Variants in ARHGAP20 observed in about 807,000 individuals in gnomAD.
ARHGAP20 encodes rho GTPase-activating protein 20.
ARHGAP20 carries 34 observed loss-of-function variants against 73.7 expected under a neutral mutation model. The observed-to-expected ratio is 0.46, with a 90% CI of 0.35 to 0.61. The LOEUF (loss-of-function observed/expected upper bound fraction) is 0.61. Ranked by LOEUF, ARHGAP20 falls within the 20% of genes least tolerant of loss-of-function variation. The pLI is 0.00. For synonymous variants in ARHGAP20, 523 were observed against 518.2 expected (o/e 1.01, Z -0.13); for missense variants, 1,314 against 1,420.9 (o/e 0.92, Z 1.21).
chr11:110,586,534 G>T (rs1947671528), intron 11 of ARHGAP20, among the ~76,000 whole-genome samples: 1 of 152,120 alleles, frequency 6.6e-6, no homozygotes, highest in Non-Finnish European at 1.5e-5. Context: ...GATAACTGGA[G>T]TCTTCATTAC....
chr11:110,640,423 G>C (rs75290995), intron 2 of ARHGAP20, among the ~76,000 whole-genome samples: 2,970 of 151,978 alleles, frequency 0.02, 76 homozygotes, highest in African/African-American at 0.061. Flanking sequence ...CAGAGTGTTA[G>C]GGAATAAATC....
rs767584827 is a variant in ARHGAP20, at chr11:110,615,535, T to C, written c.545+18A>G. On this transcript the variant is annotated intron_variant, in intron 5 of 14. Transcript: ENST00000683387. ...TATTAAAGGTTAAAGATTAAAAATA[T>C]GAATACTGAAAAAATACCTCTGAAG... The C allele has an allele frequency of 1.2e-6, 2 of 1,603,316 alleles. No individual in the cohort carries two copies. The highest frequency in any genetic ancestry group is 1.7e-6 in the Non-Finnish European group (2 of 1,174,174).
intron 8 of ARHGAP20, 26 bp downstream of exon 8, chr11:110,608,958 T>C (rs748826575): frequency 1.0e-5 from 16 of 1,589,746 alleles, no homozygotes; most frequent in Non-Finnish European, 1.0e-5. Flanking sequence ...CAATCAATGC[T>C]ATCTTAGACT....
At chr11:110,669,149 A>T (rs887669399) in intron 2 of ARHGAP20, among the ~76,000 whole-genome samples, 1 of 152,200 alleles carries the variant, frequency 6.6e-6, no homozygotes, top group Non-Finnish European at 1.5e-5. Context: ...GGCTCTTTGA[A>T]AAACATTGTT....
intron 4 of ARHGAP20, among the ~76,000 whole-genome samples, chr11:110,616,480 C>T (rs1948485078): frequency 1.3e-5 from 2 of 152,136 alleles, no homozygotes; most frequent in Admixed American, 6.5e-5. Context: ...CCCAAGTGAT[C>T]ACGCTGGCTC....
chr11:110,674,063 C>T (rs762636786), intron 2 of ARHGAP20, among the ~76,000 whole-genome samples: 4 of 152,064 alleles, frequency 2.6e-5, no homozygotes, highest in South Asian at 2.1e-4. Flanking sequence ...CTCAGCCTTC[C>T]GAGCAGCTGA....
intron 1 of ARHGAP20, 83 bp from the exon 2 acceptor site, chr11:110,690,712 AAGTTTTGCATTGCCTATCTT>A: frequency 7.4e-7 from 1 of 1,343,542 alleles, no homozygotes; most frequent in Non-Finnish European, 1.1e-6. Flanking sequence ...CCAATTTAAC[AAGTTTTGCATTGCCTATCTT>A]TGTCTGTCAA....
In ARHGAP20 at chr11:110,674,344, C is replaced by T. The variant is rs76215693; in HGVS notation, c.188+16203G>A. Among the ~76,000 whole-genome samples the T allele has an allele frequency of 9.1e-3, 1,378 of 152,206 alleles. 23 individuals are homozygous for T. The highest frequency in any genetic ancestry group is 0.03 in the African/African-American group (1,259 of 41,504). On this transcript the variant is annotated intron_variant, in intron 2 of 14. Coordinates refer to ENST00000683387, the MANE Select transcript of ARHGAP20 (RefSeq NM_001384657.1). ...AGAACCTGGCACCTGGTAAGCACTC[C>T]GTTTAAATTAAAGCAATTATTAATA...
At position 110,592,244 on chromosome 11, in the gene ARHGAP20, A is replaced by T. The variant is rs1261315840; in HGVS notation, c.965-89T>A. 15 of 1,282,764 alleles carry T rather than the reference A, an allele frequency of 1.2e-5. No individual in the cohort carries two copies. In the East Asian group the frequency reaches 3.4e-4, roughly 29 times the overall value. 79.5% of individuals were successfully genotyped at this position (1,282,764 alleles called of 1,614,324 possible). A position where few individuals can be genotyped will look rare whatever the true frequency, so the allele number is the denominator to read the frequency against. On this transcript the variant is annotated intron_variant, in intron 9 of 14. Coordinates refer to ENST00000683387, the MANE Select transcript of ARHGAP20 (RefSeq NM_001384657.1). Reference sequence around the variant, plus strand: ...TCCATTTTATGGTATGTTTGTTGCTATGGCTCAAAGAGAAAAAGATGCTAA... The same window carrying T: ...TCCATTTTATGGTATGTTTGTTGCTTTGGCTCAAAGAGAAAAAGATGCTAA...
chr11:110,693,396 C>A (rs1199352809), intron 1 of ARHGAP20, among the ~76,000 whole-genome samples: 1 of 151,960 alleles, frequency 6.6e-6, no homozygotes, highest in Non-Finnish European at 1.5e-5. Flanking sequence ...GTTTGGACTA[C>A]ATAGTCACTT....
intron 1 of ARHGAP20, among the ~76,000 whole-genome samples, chr11:110,702,832 G>C (rs553483199): frequency 6.6e-6 from 1 of 152,294 alleles, no homozygotes; most frequent in South Asian, 2.1e-4. Flanking sequence ...TATGAGGAAT[G>C]TGAAGGACCT....
chr11:110,590,821 CA>C lies in ARHGAP20; in HGVS notation c.1144-13del. 1 of 1,607,694 alleles carries C rather than the reference CA, an allele frequency of 6.2e-7. No homozygotes were observed. On this transcript the variant is annotated splice_polypyrimidine_tract_variant and intron_variant, in intron 10 of 14. Transcript: ENST00000683387. ...AAGAAAAGCATATCCTATGGGGAAGCAAAGGAAAATAAACAAAATGACACTT... is the reference window on the plus strand; with the variant it reads ...AAGAAAAGCATATCCTATGGGGAAGCAAGGAAAATAAACAAAATGACACTT...
chr11:110,653,113 A>G (rs1949391911), intron 2 of ARHGAP20, among the ~76,000 whole-genome samples: 1 of 152,214 alleles, frequency 6.6e-6, no homozygotes, highest in Admixed American at 6.5e-5. Context: ...CCAAACTATA[A>G]AAATCCTAGA....
chr11:110,602,458 GA>G (rs1948134291), intron 9 of ARHGAP20, among the ~76,000 whole-genome samples: 1 of 152,080 alleles, frequency 6.6e-6, no homozygotes, highest in Non-Finnish European at 1.5e-5. Context: ...CAATGGATCA[GA>G]AAAATAATAT....
chr11:110,652,136 A>G (rs1273872678), intron 2 of ARHGAP20, among the ~76,000 whole-genome samples: 3 of 152,146 alleles, frequency 2.0e-5, no homozygotes, highest in African/African-American at 7.2e-5. Flanking sequence ...AGAGACAAAA[A>G]CGACATGATT....
At position 110,577,574 on chromosome 11, in the gene ARHGAP20, A is replaced by G. The variant is rs548303626; in HGVS notation, c.*1796T>C. 2.4e-5 allele frequency: 24 copies of G among 988,144 alleles called. No homozygotes were observed. In the South Asian group the frequency reaches 1.1e-3, roughly 44 times the overall value. The allele number at this position is 988,144 out of a possible 1,614,324, so 61.2% of individuals were successfully genotyped here. On this transcript the variant is annotated 3_prime_UTR_variant, in exon 15 of 15. Coordinates refer to ENST00000683387, the MANE Select transcript of ARHGAP20 (RefSeq NM_001384657.1). The stretch of plus-strand genomic sequence containing the variant: ...ACTGACAGTAGTATGCCCTAAGGGA[A>G]AGGGGAGTCCCTGCTGACTTTATAT...
At chr11:110,642,984 A>T (rs12807341) in intron 2 of ARHGAP20, among the ~76,000 whole-genome samples, 10 of 151,914 alleles carry the variant, frequency 6.6e-5, no homozygotes, top group African/African-American at 9.7e-5. Flanking sequence ...TCAGCGTTTC[A>T]GTTTCTTCCT....
intron 1 of ARHGAP20, among the ~76,000 whole-genome samples, chr11:110,698,628 T>C (rs566315820): frequency 6.6e-6 from 1 of 152,072 alleles, no homozygotes; most frequent in South Asian, 2.1e-4. Context: ...CTTCTATTTC[T>C]TGCTGGCTCA....
At chr11:110,590,120 CAAAAAA>C (rs558720081) in intron 11 of ARHGAP20, among the ~76,000 whole-genome samples, 1 of 64,016 alleles carries the variant, frequency 1.6e-5, no homozygotes, top group African/African-American at 5.8e-5. Flanking sequence ...GACCCCGCCT[CAAAAAA>C]AAAAAAAAAA....
Sources: gnomAD v4.1 joint callset for allele counts (sites outside exome capture counted in the v4.1 genomes callset) on GRCh38, gnomAD v4.1.1 for gene constraint, MANE v1.5 for transcripts, NCBI Gene and HGNC (gene_info 2026-07-23, HGNC 2026-07-21) for gene names.